The following RNGTT variants were observed in gnomAD, a reference collection of about 807,000 sequenced individuals.
RNGTT encodes the protein mRNA-capping enzyme.
In RNGTT, 33 loss-of-function variants were observed where a neutral mutation model predicts 79.3. The observed-to-expected ratio is 0.42, with a 90% confidence interval of 0.32 to 0.56. The LOEUF (loss-of-function observed/expected upper bound fraction) is 0.56. Ranked by LOEUF, RNGTT falls within the 20% of genes least tolerant of loss-of-function variation. RNGTT has a pLI of 0.17. For synonymous variants in RNGTT, 222 were observed against 235.9 expected, an observed-to-expected ratio of 0.94 and a Z score of 0.54; for missense variants, 497 against 739.1, an observed-to-expected ratio of 0.67 and a Z score of 3.80.
intron 13 of RNGTT, among the ~76,000 whole-genome samples, chr6:88,712,341 T>C (rs1410402725): frequency 6.6e-6 from 1 of 152,232 alleles, no homozygotes; most frequent in East Asian, 1.9e-4. Flanking sequence ...AGTCCCACTC[T>C]GTCATCCAGA....
At chr6:88,621,752 G>A (rs890885805) in intron 14 of RNGTT, among the ~76,000 whole-genome samples, 18 of 151,948 alleles carry the variant, frequency 1.2e-4, no homozygotes, top group Non-Finnish European at 2.6e-4. Flanking sequence ...CCAAAATGGA[G>A]TCACTTATAC....
chr6:88,689,064 G>T (rs1399829534), intron 13 of RNGTT, among the ~76,000 whole-genome samples: 5 of 152,116 alleles, frequency 3.3e-5, no homozygotes, highest in African/African-American at 1.2e-4. Flanking sequence ...TAGGTTTGGG[G>T]GGGAGTCAAA....
At chr6:88,615,598 C>CT (rs1343793610) in intron 14 of RNGTT, among the ~76,000 whole-genome samples, 1 of 152,152 alleles carries the variant, frequency 6.6e-6, no homozygotes, top group African/African-American at 2.4e-5. Flanking sequence ...GGGACCCATT[C>CT]TTTTATTTTG....
chr6:88,737,992 C>G (rs1252610424), intron 13 of RNGTT, among the ~76,000 whole-genome samples: 6 of 152,062 alleles, frequency 3.9e-5, no homozygotes, highest in Non-Finnish European at 7.4e-5. Context: ...GATTTCCTTC[C>G]AAAGAGTACA....
chr6:88,766,539 AATAT>A (rs1018697462), intron 13 of RNGTT, among the ~76,000 whole-genome samples: 1 of 152,142 alleles, frequency 6.6e-6, no homozygotes, highest in African/African-American at 2.4e-5. Context: ...AATCAATGTT[AATAT>A]ATCTCAAATT....
chr6:88,668,104 C>A (rs2149460), intron 14 of RNGTT, among the ~76,000 whole-genome samples: 40,112 of 151,862 alleles, frequency 0.26, 9,228 homozygotes, highest in African/African-American at 0.63. Context: ...AGAGATGCCC[C>A]ATTAGCTTAT....
intron 11 of RNGTT, among the ~76,000 whole-genome samples, chr6:88,806,227 G>A (rs527709096): frequency 6.6e-6 from 1 of 151,982 alleles, no homozygotes; most frequent in African/African-American, 2.4e-5. Flanking sequence ...GACAAAGAGA[G>A]GGTCTATATT....
rs1779011497 is a variant in RNGTT at position 88,780,000 on chromosome 6, A to AT, written c.1339-10127dup. ...TAGGGTGAGACTCTGTCTCAAATAA[A>AT]TAAATTAATTAATTAATCTAGAAAA... On this transcript the variant is annotated intron_variant, in intron 12 of 15. Coordinates refer to ENST00000369485, the MANE Select transcript of RNGTT (RefSeq NM_003800.5). Among the ~76,000 whole-genome samples the AT allele has an allele frequency of 2.6e-5, 4 of 151,760 alleles. No individual in the cohort carries two copies. The East Asian group carries it at 5.8e-4, about 22-fold the overall frequency.
chr6:88,650,365 A>T (rs914655359), intron 14 of RNGTT, among the ~76,000 whole-genome samples: 48 of 152,324 alleles, frequency 3.2e-4, no homozygotes, highest in African/African-American at 1.2e-3. Flanking sequence ...GTGCTATGCA[A>T]CCAACCTACT....
intron 14 of RNGTT, among the ~76,000 whole-genome samples, chr6:88,633,627 TG>T (rs956673276): frequency 3.3e-5 from 5 of 152,164 alleles, no homozygotes; most frequent in South Asian, 2.1e-4. Flanking sequence ...TCAACTAAAA[TG>T]TTTTTTTTTA....
chr6:88,810,969 C>T (rs186924132), intron 11 of RNGTT, among the ~76,000 whole-genome samples: 2 of 152,282 alleles, frequency 1.3e-5, no homozygotes, highest in Admixed American at 6.5e-5. Flanking sequence ...CTAAATAATA[C>T]CTTAATTTCA....
At chr6:88,891,991 A>ATCAATT in intron 6 of RNGTT, 76 bp from the exon 7 acceptor site, 1 of 973,628 alleles carries the variant, frequency 1.0e-6, no homozygotes, top group Non-Finnish European at 1.5e-6. Context: ...CAAAGAAGAG[A>ATCAATT]CTGAGAGATA....
At chr6:88,670,370 C>T (rs1260012606) in intron 14 of RNGTT, among the ~76,000 whole-genome samples, 1 of 152,140 alleles carries the variant, frequency 6.6e-6, no homozygotes, top group Non-Finnish European at 1.5e-5. Flanking sequence ...TTTGTCACTA[C>T]TTTAATTCAC....
chr6:88,619,433 G>T (rs1772361622), intron 14 of RNGTT, among the ~76,000 whole-genome samples: 1 of 152,182 alleles, frequency 6.6e-6, no homozygotes, highest in Admixed American at 6.5e-5. Flanking sequence ...CTCCCAAAGT[G>T]CTGGGATTAC....
At chr6:88,655,731 G>A (rs957958825) in intron 14 of RNGTT, among the ~76,000 whole-genome samples, 6 of 152,210 alleles carry the variant, frequency 3.9e-5, no homozygotes, top group Admixed American at 3.9e-4. Flanking sequence ...TGGAAACTTG[G>A]GTCTGACTCA....
intron 12 of RNGTT, among the ~76,000 whole-genome samples, chr6:88,772,049 C>T (rs1012233079): frequency 6.6e-6 from 1 of 151,908 alleles, no homozygotes; most frequent in Non-Finnish European, 1.5e-5. Context: ...TATAGTGGCA[C>T]ATGCCTGTAG....
intron 12 of RNGTT, among the ~76,000 whole-genome samples, chr6:88,787,324 G>A (rs1779259676): frequency 1.3e-5 from 2 of 152,106 alleles, no homozygotes; most frequent in South Asian, 4.1e-4. Flanking sequence ...TGAGAACAAG[G>A]AGAAAGCACT....
intron 4 of RNGTT, among the ~76,000 whole-genome samples, chr6:88,909,969 T>TAA (rs35012266): frequency 5.0e-5 from 7 of 141,220 alleles, no homozygotes; most frequent in Admixed American, 7.0e-5. Flanking sequence ...AAAGAATATT[T>TAA]AAAAAAAAAA....
chr6:88,652,181 T>C (rs879787520), intron 14 of RNGTT, among the ~76,000 whole-genome samples: 4 of 152,172 alleles, frequency 2.6e-5, no homozygotes, highest in Admixed American at 6.5e-5. Flanking sequence ...AATTTAAATA[T>C]ACAGTTAAAT....
Sources: gnomAD v4.1 joint callset for allele counts (sites outside exome capture counted in the v4.1 genomes callset) on GRCh38, gnomAD v4.1.1 for gene constraint, MANE v1.5 for transcripts, NCBI Gene and HGNC (gene_info 2026-07-23, HGNC 2026-07-21) for gene names.